The following LY9 variants were observed in gnomAD, a reference collection of about 807,000 sequenced individuals.
The protein encoded by LY9 is T-lymphocyte surface antigen Ly-9.
In LY9, 59 loss-of-function variants were observed where a neutral mutation model predicts 64.6. The observed-to-expected ratio is 0.91, with a 90% CI of 0.74 to 1.13. The LOEUF is 1.13. Ranked by LOEUF, LY9 falls within the 50% of genes most tolerant of loss-of-function variation. LY9 has a pLI of 0.00. For synonymous variants in LY9, 281 were observed against 308.5 expected (o/e 0.91, Z 0.93); for missense variants, 789 against 797.2 (o/e 0.99, Z 0.12).
chr1:160,803,250 C>T (rs935745839), intron 2 of LY9, among the ~76,000 whole-genome samples: 3 of 151,958 alleles, frequency 2.0e-5, no homozygotes, highest in African/African-American at 7.3e-5. Context: ...CCACTGAATG[C>T]CAGCCTGGGT....
intron 2 of LY9, 93 bp from the exon 3 acceptor site, chr1:160,813,543 C>T: frequency 2.3e-6 from 3 of 1,303,802 alleles, no homozygotes; most frequent in Admixed American, 2.1e-5. Context: ...CTCTCTGCTG[C>T]CCCCAACTCC....
chr1:160,815,544 A>C (rs1357199820), intron 4 of LY9, among the ~76,000 whole-genome samples: 4 of 152,134 alleles, frequency 2.6e-5, no homozygotes, highest in Non-Finnish European at 4.4e-5. Flanking sequence ...ACGCCACCAC[A>C]ACCAGCTAAT....
At chr1:160,826,874 G>T (rs1668877544) in intron 9 of LY9, among the ~76,000 whole-genome samples, 2 of 152,086 alleles carry the variant, frequency 1.3e-5, no homozygotes, top group Admixed American at 1.3e-4. Context: ...CTCTGGCCTG[G>T]CCCTTTGTGT....
intron 2 of LY9, among the ~76,000 whole-genome samples, chr1:160,806,385 C>T (rs1401690686): frequency 6.6e-6 from 1 of 152,128 alleles, no homozygotes; most frequent in Non-Finnish European, 1.5e-5. Flanking sequence ...TGGTAAATGT[C>T]ATCTTTTGCT....
intron 2 of LY9, chr1:160,802,391 C>T (rs1570977027): frequency 2.0e-6 from 2 of 987,432 alleles, no homozygotes; most frequent in Non-Finnish European, 2.4e-6. Context: ...CCTGGCTCAG[C>T]CCACTGCGTG....
intron 7 of LY9, among the ~76,000 whole-genome samples, chr1:160,820,311 C>G (rs186657692): frequency 2.4e-4 from 36 of 152,266 alleles, no homozygotes; most frequent in Non-Finnish European, 4.1e-4. Flanking sequence ...TTTACTCCCC[C>G]ACTCCCATGC....
rs935623508 is a variant in LY9 at position 160,802,659 on chromosome 1, A to G, written c.454+2577A>G. The G allele has an allele frequency of 1.4e-5, 14 of 985,292 alleles. No homozygotes were observed. In the South Asian group the frequency reaches 3.3e-4, roughly 23 times the overall value. The allele number at this position is 985,292 out of a possible 1,614,324, so 61.0% of individuals were successfully genotyped here. ...ATTTGGTGAAAATGCTGCTTTCCTC[A>G]GCCTCCCCACAATTAAACTGCACAT... On this transcript the variant is annotated intron_variant, in intron 2 of 9. Transcript: ENST00000263285.
intron 6 of LY9, among the ~76,000 whole-genome samples, chr1:160,818,544 G>A (rs188103197): frequency 6.6e-6 from 1 of 152,322 alleles, no homozygotes; most frequent in East Asian, 1.9e-4. Flanking sequence ...TGGGAGCAGG[G>A]AGAGTGATTT....
rs1667982958 is a variant in LY9, at chr1:160,816,743, G to C, written c.1222G>C (p.Gly408Arg). ...GCAGAAGGAAGCTGTTGTGTCCCAAGGGGAATCACACCTCAATGTCTCATG... is the reference window on the plus strand; with the variant it reads ...GCAGAAGGAAGCTGTTGTGTCCCAACGGGAATCACACCTCAATGTCTCATG... ...PLQKEAVVSQ[G>R]ESHLNVSWRS... The change falls in exon 5 of 10, where the codon GGG becomes CGG. Residue 408 changes from glycine (G) to arginine (R), a missense_variant. Transcript: ENST00000263285. 1 of 1,614,208 alleles carries C rather than the reference G, an allele frequency of 6.2e-7. No individual in the cohort carries two copies. Among genetic ancestry groups the C allele is most frequent in the Non-Finnish European group, 8.5e-7 (1 of 1,180,050 alleles).
chr1:160,805,107 C>T (rs574530413), intron 2 of LY9, among the ~76,000 whole-genome samples: 7 of 151,908 alleles, frequency 4.6e-5, no homozygotes, highest in Non-Finnish European at 1.0e-4. Flanking sequence ...TCGAGTTTTG[C>T]TCTGATATTT....
At chr1:160,823,865 C>A in intron 8 of LY9, 69 bp downstream of exon 8, 3 of 1,272,734 alleles carry the variant, frequency 2.4e-6, no homozygotes, top group Non-Finnish European at 2.2e-6. Flanking sequence ...TCCTGGATGA[C>A]TAGTTCCTCC....
chr1:160,800,069 C>A lies in LY9; in HGVS notation c.441C>A (p.Thr147=), dbSNP rs1666296484. ...AAGTCACCACTGAGGAGGAATTCAC[C>A]CTGTTCGTCTATGGTGAGTTCCAGA... ...NFEVTTEEEF[T]LFVYEQLQEP... The change falls in exon 2 of 10, where the codon ACC becomes ACA. Residue 147 remains threonine, a synonymous_variant. Transcript: ENST00000263285. 1.9e-6 allele frequency: 3 copies of A among 1,612,338 alleles called. No homozygotes were observed. Among genetic ancestry groups the A allele is most frequent in the African/African-American group, 1.3e-5 (1 of 74,970 alleles).
At chr1:160,805,919 CTT>C (rs60244350) in intron 2 of LY9, among the ~76,000 whole-genome samples, 17 of 72,438 alleles carry the variant, frequency 2.3e-4, no homozygotes, top group East Asian at 4.8e-4. Flanking sequence ...CATTCTTTGT[CTT>C]TTTTTTTTTT....
chr1:160,800,132 T>A, intron 2 of LY9, 50 bp downstream of exon 2: 1 of 1,424,136 alleles, frequency 7.0e-7, no homozygotes, highest in Non-Finnish European at 9.7e-7. Flanking sequence ...TTTTTATTTG[T>A]GCAAATTTAT....
rs935261129 is a variant in LY9 at position 160,824,552 on chromosome 1, C to A, written c.1899+303C>A. On this transcript the variant is annotated intron_variant, in intron 9 of 9. Coordinates refer to ENST00000263285, the MANE Select transcript of LY9 (RefSeq NM_002348.4). ...GTAGGGTCTTTATAGCTTTTTAAAT[C>A]TATCTCTAACCCTAATCCTAATCTA... 9 of 984,966 alleles carry A rather than the reference C, an allele frequency of 9.1e-6. No homozygotes were observed. The African/African-American group carries it at 1.6e-4, about 17-fold the overall frequency. 61.0% of individuals were successfully genotyped at this position (984,966 alleles called of 1,614,324 possible).
In LY9 at chr1:160,797,081, T is replaced by C. The variant is rs1665956904; in HGVS notation, c.124+770T>C. On this transcript the variant is annotated intron_variant, in intron 1 of 9. Coordinates refer to ENST00000263285, the MANE Select transcript of LY9 (RefSeq NM_002348.4). ...GGTGGCGTTTATCTGGATATCCTTT[T>C]CTCCTCAACCTTATTCCTCCCTATC... 4 of 984,780 alleles carry C rather than the reference T, an allele frequency of 4.1e-6. No individual in the cohort carries two copies. The South Asian group carries it at 1.9e-4, about 46-fold the overall frequency. The allele number at this position is 984,780 out of a possible 1,614,324, so 61.0% of individuals were successfully genotyped here.
At chr1:160,808,873 C>T (rs913721161) in intron 2 of LY9, among the ~76,000 whole-genome samples, 4 of 152,178 alleles carry the variant, frequency 2.6e-5, no homozygotes, top group African/African-American at 7.2e-5. Context: ...GAATTTCTCT[C>T]TCTAGGATAA....
At chr1:160,802,666 C>T in intron 2 of LY9, 1 of 984,722 alleles carries the variant, frequency 1.0e-6, no homozygotes, top group Non-Finnish European at 1.2e-6. Context: ...CTCAGCCTCC[C>T]CACAATTAAA....
chr1:160,816,162 A>G (rs543250428), intron 4 of LY9, among the ~76,000 whole-genome samples: 3 of 152,224 alleles, frequency 2.0e-5, no homozygotes, highest in Non-Finnish European at 4.4e-5. Context: ...TTTATTGAAC[A>G]TTTACTCTGT....
Sources: gnomAD v4.1 joint callset for allele counts (sites outside exome capture counted in the v4.1 genomes callset) on GRCh38, gnomAD v4.1.1 for gene constraint, MANE v1.5 for transcripts, NCBI Gene and HGNC (gene_info 2026-07-23, HGNC 2026-07-21) for gene names.